ITPKB: variants seen among roughly 807,000 people sequenced by gnomAD.
ITPKB encodes the protein IP3 3-kinase B.
In ITPKB, 13 loss-of-function variants were observed where a neutral mutation model predicts 69.4. That is an observed-to-expected ratio of 0.19 (90% CI 0.12 to 0.30). The LOEUF is 0.30. Ranked by LOEUF, ITPKB falls within the 10% of genes least tolerant of loss-of-function variation. ITPKB has a pLI of 1.00. For missense variants in ITPKB, 1,240 were observed against 1,250.5 expected (o/e 0.99, Z 0.13); for synonymous variants, 584 against 513.7 (o/e 1.14, Z -1.85).
chr1:226,649,776 A>G (rs916563130), intron 2 of ITPKB, among the ~76,000 whole-genome samples: 2 of 152,228 alleles, frequency 1.3e-5, no homozygotes, highest in Non-Finnish European at 2.9e-5. Context: ...ATTCATTTAT[A>G]CAACTACTTG....
chr1:226,646,290 G>A (rs1027451827), intron 4 of ITPKB, among the ~76,000 whole-genome samples: 9 of 152,206 alleles, frequency 5.9e-5, no homozygotes, highest in Non-Finnish European at 8.8e-5. Context: ...CCTTAGGGAG[G>A]TTCACCAAGC....
At chr1:226,703,917 C>T (rs1410652427) in intron 2 of ITPKB, among the ~76,000 whole-genome samples, 1 of 152,256 alleles carries the variant, frequency 6.6e-6, no homozygotes, top group East Asian at 1.9e-4. Context: ...TCCCCCTCAC[C>T]CCCAAGAGTA....
intron 4 of ITPKB, among the ~76,000 whole-genome samples, chr1:226,644,282 A>G (rs1391304242): frequency 1.3e-5 from 2 of 152,172 alleles, no homozygotes; most frequent in Admixed American, 1.3e-4. Context: ...GCCCCTCCCC[A>G]CACTCCCCTG....
chr1:226,723,693 G>C (rs1267544824), intron 2 of ITPKB, among the ~76,000 whole-genome samples: 9 of 152,178 alleles, frequency 5.9e-5, no homozygotes, highest in Admixed American at 5.9e-4. Flanking sequence ...GGAAGGGACA[G>C]AGGCTTTCAC....
chr1:226,736,899 G>T lies in ITPKB; in HGVS notation c.560C>A (p.Pro187His), dbSNP rs772250184. The change falls in exon 2 of 8, where the codon CCT becomes CAT. Residue 187 changes from proline (P) to histidine (H), a missense_variant. Coordinates refer to ENST00000429204, the MANE Select transcript of ITPKB (RefSeq NM_002221.4). Reference protein sequence around the residue: ...PCPFRSSSQPPGRVLVQGARS... With the variant: ...PCPFRSSSQPHGRVLVQGARS... The stretch of plus-strand genomic sequence containing the variant: ...GGCGCCCTGAACCAGGACCCTTCCA[G>T]GGGGCTGACTGCTGCTGCGGAAGGG... 1 of 1,610,454 alleles carries T rather than the reference G, an allele frequency of 6.2e-7. No individual in the cohort carries two copies. The highest frequency in any genetic ancestry group is 1.7e-5 in the Admixed American group (1 of 60,030).
intron 2 of ITPKB, among the ~76,000 whole-genome samples, chr1:226,699,177 A>G (rs1360062635): frequency 6.6e-6 from 1 of 152,248 alleles, no homozygotes; most frequent in African/African-American, 2.4e-5. Context: ...TCAGTGCGCT[A>G]TCTGTTCTGT....
chr1:226,712,576 A>G (rs1021974035), intron 2 of ITPKB, among the ~76,000 whole-genome samples: 4 of 152,160 alleles, frequency 2.6e-5, no homozygotes, highest in East Asian at 1.9e-4. Context: ...GAAGGTGGTC[A>G]CCGTGAAGGG....
At chr1:226,693,416 T>C (rs972321652) in intron 2 of ITPKB, among the ~76,000 whole-genome samples, 2 of 152,194 alleles carry the variant, frequency 1.3e-5, no homozygotes, top group Non-Finnish European at 2.9e-5. Context: ...GAATTTAATT[T>C]CTAGACTTTA....
At chr1:226,684,672 A>G (rs1175301269) in intron 2 of ITPKB, among the ~76,000 whole-genome samples, 1 of 152,180 alleles carries the variant, frequency 6.6e-6, no homozygotes, top group Non-Finnish European at 1.5e-5. Flanking sequence ...ATTGCATGCA[A>G]AGATCTCAGG....
chr1:226,648,797 T>C lies in ITPKB; in HGVS notation c.1933-26A>G, dbSNP rs41307668. ...CTAGAAACAAACAAACAAAAAGCTC[T>C]ACATTAGAAAGACAACCACTAATTT... is the stretch of plus-strand genomic sequence containing the variant. On this transcript the variant is annotated intron_variant, in intron 2 of 7. Transcript: ENST00000429204. The C allele has an allele frequency of 8.5e-3, 12,326 of 1,441,664 alleles. 91 individuals are homozygous for C. The highest frequency in any genetic ancestry group is 9.3e-3 in the Non-Finnish European group (9,531 of 1,022,604). The allele number at this position is 1,441,664 out of a possible 1,614,324, so 89.3% of individuals were successfully genotyped here. A position where few individuals can be genotyped will look rare whatever the true frequency, so the allele number is the denominator to read the frequency against.
chr1:226,635,380 C>G (rs948789828), intron 7 of ITPKB, among the ~76,000 whole-genome samples: 4 of 152,046 alleles, frequency 2.6e-5, no homozygotes, highest in Non-Finnish European at 4.4e-5. Flanking sequence ...ACCACGATGC[C>G]CGGCTAACTT....
chr1:226,671,315 A>G (rs1669613649), intron 2 of ITPKB, among the ~76,000 whole-genome samples: 1 of 152,252 alleles, frequency 6.6e-6, no homozygotes, highest in South Asian at 2.1e-4. Context: ...CCTTCCACAA[A>G]GAACAGATCA....
chr1:226,736,290 C>G lies in ITPKB; in HGVS notation c.1169G>C (p.Gly390Ala). Residue 390 changes from glycine to alanine, a missense_variant, in exon 2 of 8, where the codon GGC (glycine) becomes GCC (alanine). Coordinates refer to ENST00000429204, the MANE Select transcript of ITPKB (RefSeq NM_002221.4). Reference sequence around the variant, plus strand: ...CACAGTCGTCTCCTCTGGCCTTTTGCCCACTTCAGGCTCCCCAGAGCCCGG... The same window carrying G: ...CACAGTCGTCTCCTCTGGCCTTTTGGCCACTTCAGGCTCCCCAGAGCCCGG... ...GMPGSGEPEV[G>A]KRPEETTVSV... is the part of the protein sequence containing the mutation. The G allele has an allele frequency of 6.2e-7, 1 of 1,602,680 alleles. No homozygotes were observed. The highest frequency in any genetic ancestry group is 8.5e-7 in the Non-Finnish European group (1 of 1,175,628).
intron 2 of ITPKB, among the ~76,000 whole-genome samples, chr1:226,711,442 A>AGAGAGAGAGAGAGAGAGT (rs1491474441): frequency 9.8e-6 from 1 of 102,292 alleles, no homozygotes; most frequent in African/African-American, 4.1e-5. Context: ...AGAGAGAGAG[A>AGAGAGAGAGAGAGAGAGT]GTGTGTGTGT....
chr1:226,657,625 A>C (rs941981256), intron 2 of ITPKB, among the ~76,000 whole-genome samples: 2 of 152,250 alleles, frequency 1.3e-5, no homozygotes, highest in African/African-American at 4.8e-5. Flanking sequence ...ATCACGTTAC[A>C]TGTCTAACAT....
At chr1:226,712,969 C>T (rs1203629036) in intron 2 of ITPKB, among the ~76,000 whole-genome samples, 1 of 151,302 alleles carries the variant, frequency 6.6e-6, no homozygotes, top group Non-Finnish European at 1.5e-5. Flanking sequence ...ATGTGCCCAC[C>T]CACACTTATC....
At chr1:226,689,714 C>A (rs1440328480) in intron 2 of ITPKB, among the ~76,000 whole-genome samples, 1 of 151,976 alleles carries the variant, frequency 6.6e-6, no homozygotes, top group East Asian at 1.9e-4. Flanking sequence ...TATTTCATCA[C>A]CCATGTATTA....
intron 2 of ITPKB, among the ~76,000 whole-genome samples, chr1:226,721,306 C>T (rs1363482323): frequency 3.5e-5 from 5 of 144,478 alleles, no homozygotes; most frequent in African/African-American, 7.7e-5. Flanking sequence ...CAAGATCTCG[C>T]CATTGCACTC....
At chr1:226,705,699 G>C (rs771672956) in intron 2 of ITPKB, among the ~76,000 whole-genome samples, 1 of 152,056 alleles carries the variant, frequency 6.6e-6, no homozygotes, top group African/African-American at 2.4e-5. Flanking sequence ...ACCCCATTCC[G>C]GGAGGCTAGG....
Sources: allele counts gnomAD v4.1 joint callset (sites outside exome capture counted in the v4.1 genomes callset), GRCh38; gene constraint gnomAD v4.1.1; transcripts MANE v1.5; gene names NCBI Gene and HGNC (gene_info 2026-07-23, HGNC 2026-07-21).